Variants in RPGRIP1L observed in about 807,000 individuals in gnomAD.
RPGRIP1L encodes the protein RPGRIP1 like.
In RPGRIP1L, 131 loss-of-function variants were observed where a neutral mutation model predicts 160.4. The observed-to-expected ratio is 0.82, with a 90% confidence interval of 0.71 to 0.94. RPGRIP1L has a LOEUF of 0.94. Among genes scored for constraint, RPGRIP1L ranks in the 40% least tolerant of loss-of-function variants. RPGRIP1L has a pLI of 0.00. For synonymous variants in RPGRIP1L, 510 were observed against 515.8 expected (o/e 0.99, Z 0.15); for missense variants, 1,522 against 1,535.8 (o/e 0.99, Z 0.15).
intron 6 of RPGRIP1L, among the ~76,000 whole-genome samples, chr16:53,683,706 G>GA (rs199628104): frequency 6.9e-6 from 1 of 144,084 alleles, no homozygotes; most frequent in Admixed American, 6.9e-5. Flanking sequence ...AAAAAAAAAA[G>GA]AAAAAAATCC....
Position 53,696,952 on chromosome 16 carries a change from G to C in RPGRIP1L, c.86-657C>G, listed in dbSNP as rs537622200. Among the ~76,000 whole-genome samples, 6 of 152,272 alleles carry C rather than the reference G, an allele frequency of 3.9e-5. No individual in the cohort carries two copies. The East Asian group carries it at 1.2e-3, about 29-fold the overall frequency. ...CTCACGCCTGTAATCTCAGCACTTTGGGGGGCTGGGGCGGGTGGATCACCT... is the reference window on the plus strand; with the variant it reads ...CTCACGCCTGTAATCTCAGCACTTTCGGGGGCTGGGGCGGGTGGATCACCT... On this transcript the variant is annotated intron_variant, in intron 2 of 26. Coordinates refer to ENST00000647211, the MANE Select transcript of RPGRIP1L (RefSeq NM_015272.5).
intron 15 of RPGRIP1L, among the ~76,000 whole-genome samples, chr16:53,651,889 A>C (rs1966857277): frequency 1.3e-5 from 2 of 151,966 alleles, no homozygotes; most frequent in South Asian, 4.1e-4. Flanking sequence ...TATTATTTAT[A>C]ATAGTTATAA....
At chr16:53,615,468 A>ATTTT (rs1441369433) in intron 24 of RPGRIP1L, among the ~76,000 whole-genome samples, 1,885 of 69,372 alleles carry the variant, frequency 0.027, 62 homozygotes, top group African/African-American at 0.053. Flanking sequence ...ATATATATAT[A>ATTTT]TATATTTTTT....
In RPGRIP1L at chr16:53,671,634, T is replaced by A. The variant is rs375058886; in HGVS notation, c.1030-51A>T. 5.0e-5 allele frequency: 47 copies of A among 935,202 alleles called. No individual in the cohort carries two copies. In the African/African-American group the frequency reaches 7.7e-4, roughly 15 times the overall value. The allele number at this position is 935,202 out of a possible 1,614,324, so 57.9% of individuals were successfully genotyped here. ...TAAGTAAATATTATATAAAACCACTTGGGGGTAAAAAAAAACATTAAAAAA... is the reference window on the plus strand; with the variant it reads ...TAAGTAAATATTATATAAAACCACTAGGGGGTAAAAAAAAACATTAAAAAA... On this transcript the variant is annotated intron_variant, in intron 8 of 26. Transcript: ENST00000647211.
chr16:53,622,441 T>A, intron 22 of RPGRIP1L, 85 bp from the exon 23 acceptor site: 1 of 541,898 alleles, frequency 1.8e-6, no homozygotes, highest in Non-Finnish European at 3.3e-6. Flanking sequence ...ATGTCAGAAA[T>A]GAACTCATTC....
chr16:53,669,828 T>A (rs1209756976), intron 9 of RPGRIP1L, among the ~76,000 whole-genome samples: 1 of 152,128 alleles, frequency 6.6e-6, no homozygotes, highest in African/African-American at 2.4e-5. Context: ...TCCAATGCAA[T>A]TAAAATCAGA....
intron 20 of RPGRIP1L, 130 bp downstream of exon 20, chr16:53,638,180 C>A: frequency 1.5e-6 from 1 of 675,832 alleles, no homozygotes; most frequent in Non-Finnish European, 2.6e-6. Context: ...TTTTGACTTT[C>A]TATTCCAAGG....
chr16:53,687,540 T>C (rs1970104739), intron 5 of RPGRIP1L, among the ~76,000 whole-genome samples: 1 of 152,106 alleles, frequency 6.6e-6, no homozygotes, highest in Non-Finnish European at 1.5e-5. Context: ...TCTAAAAAAA[T>C]TACCTGTGAT....
intron 17 of RPGRIP1L, among the ~76,000 whole-genome samples, chr16:53,643,496 T>C (rs924668050): frequency 6.6e-6 from 1 of 152,042 alleles, no homozygotes; most frequent in Admixed American, 6.6e-5. Flanking sequence ...GAGGCAGGCT[T>C]GTAGACTGAA....
At chr16:53,669,060 CAT>C (rs1968503151) in intron 9 of RPGRIP1L, among the ~76,000 whole-genome samples, 1 of 152,078 alleles carries the variant, frequency 6.6e-6, no homozygotes, top group Non-Finnish European at 1.5e-5. Context: ...CTTTTAAAAA[CAT>C]GTTATCATTA....
At chr16:53,699,126 C>A (rs1177427097) in intron 2 of RPGRIP1L, among the ~76,000 whole-genome samples, 2 of 152,060 alleles carry the variant, frequency 1.3e-5, no homozygotes, top group Non-Finnish European at 1.5e-5. Context: ...GTGCTGTGTC[C>A]ACTCAGGGTT....
chr16:53,698,686 C>T (rs1174519069), intron 2 of RPGRIP1L, among the ~76,000 whole-genome samples: 3 of 142,988 alleles, frequency 2.1e-5, no homozygotes, highest in Admixed American at 2.1e-4. Flanking sequence ...CAGCCCCCCG[C>T]CCGGCCAGCC....
chr16:53,637,924 A>G (rs1965943848), intron 20 of RPGRIP1L, 70 bp from the exon 21 acceptor site: 4 of 1,450,286 alleles, frequency 2.8e-6, no homozygotes, highest in Non-Finnish European at 3.9e-6. Flanking sequence ...TATTGCTGGA[A>G]CAGTTGAATA....
chr16:53,698,500 T>G (rs1197280529), intron 2 of RPGRIP1L, among the ~76,000 whole-genome samples: 3 of 104,676 alleles, frequency 2.9e-5, no homozygotes, highest in African/African-American at 3.9e-5. Flanking sequence ...GGTTGGGGGG[T>G]CAGCCTCCCG....
chr16:53,674,524 T>C (rs1258675363), intron 7 of RPGRIP1L, among the ~76,000 whole-genome samples: 1 of 151,930 alleles, frequency 6.6e-6, no homozygotes, highest in Non-Finnish European at 1.5e-5. Flanking sequence ...TTAAGAGTAA[T>C]CAAATATTTT....
intron 10 of RPGRIP1L, among the ~76,000 whole-genome samples, chr16:53,661,024 G>A (rs1391152121): frequency 6.7e-6 from 1 of 149,278 alleles, no homozygotes; most frequent in Non-Finnish European, 1.5e-5. Flanking sequence ...GGCCGGGCAC[G>A]ATGGCTCACG....
intron 10 of RPGRIP1L, among the ~76,000 whole-genome samples, chr16:53,661,609 G>T (rs982700967): frequency 1.1e-4 from 17 of 152,308 alleles, no homozygotes; most frequent in Non-Finnish European, 1.9e-4. Context: ...TTCTAAGGGT[G>T]AGCTAAAGTG....
chr16:53,602,176 C>T lies in RPGRIP1L; in HGVS notation c.3848G>A (p.Arg1283Gln), dbSNP rs753647152. 10 of 1,612,278 alleles carry T rather than the reference C, an allele frequency of 6.2e-6. No homozygotes were observed. The highest frequency in any genetic ancestry group is 1.3e-5 in the African/African-American group (1 of 74,824). Residue 1283 changes from arginine to glutamine, a missense_variant, in exon 27 of 27, where the codon CGA becomes CAA. Coordinates refer to ENST00000647211, the MANE Select transcript of RPGRIP1L (RefSeq NM_015272.5). Reference sequence around the variant, plus strand: ...CTTGCCAATACCTTCACCATCTGCTCGTGCATCAAAAACTAGGGAGAAAAG... The same window carrying T: ...CTTGCCAATACCTTCACCATCTGCTTGTGCATCAAAAACTAGGGAGAAAAG... ...IEQNIDVFDA[R>Q]ADGEGIGKLR...
chr16:53,683,084 C>T (rs143266781), intron 6 of RPGRIP1L, among the ~76,000 whole-genome samples: 3 of 150,788 alleles, frequency 2.0e-5, no homozygotes, highest in African/African-American at 7.3e-5. Flanking sequence ...TTTTAGCCCA[C>T]TTTTTTTTTA....
Sources: gnomAD v4.1 joint callset for allele counts (sites outside exome capture counted in the v4.1 genomes callset) on GRCh38, gnomAD v4.1.1 for gene constraint, MANE v1.5 for transcripts, NCBI Gene and HGNC (gene_info 2026-07-23, HGNC 2026-07-21) for gene names.